The following THNSL2 variants were observed in gnomAD, a reference collection of about 807,000 sequenced individuals.
THNSL2 encodes threonine synthase like 2, also known as threonine synthase-like 2.
A neutral mutation model predicts 40.0 loss-of-function variants in THNSL2; 34 were observed. That is an observed-to-expected ratio of 0.85 (90% CI 0.65 to 1.13). THNSL2 has a LOEUF of 1.13. THNSL2 is among the 50% of genes most tolerant of loss of function. The pLI is 0.00. For synonymous variants in THNSL2, 241 were observed against 247.5 expected, an observed-to-expected ratio of 0.97 and a Z score of 0.25; for missense variants, 537 against 608.8, an observed-to-expected ratio of 0.88 and a Z score of 1.24.
chr2:88,171,855 C>T (rs895154220), intron 1 of THNSL2: 1 of 152,642 alleles, frequency 6.6e-6, no homozygotes, highest in East Asian at 1.9e-4. Flanking sequence ...TCAAAAGATT[C>T]ATGGTTTGTA....
At chr2:88,181,660 G>A (rs1374131916) in intron 5 of THNSL2, among the ~76,000 whole-genome samples, 1 of 151,322 alleles carries the variant, frequency 6.6e-6, no homozygotes. Flanking sequence ...TGATTCAGTG[G>A]TTTTTAGTAT....
At chr2:88,170,677 T>G (rs886627232) in intron 1 of THNSL2, among the ~76,000 whole-genome samples, 1 of 152,056 alleles carries the variant, frequency 6.6e-6, no homozygotes, top group Non-Finnish European at 1.5e-5. Context: ...ATTTGAGCAG[T>G]CCTTTGAGAA....
chr2:88,173,396 TC>T, intron 2 of THNSL2, 23 bp downstream of exon 2: 1 of 1,553,262 alleles, frequency 6.4e-7, no homozygotes, highest in Non-Finnish European at 8.7e-7. Context: ...ACCTGTACTT[TC>T]ACTCTTCCAG....
intron 2 of THNSL2, 22 bp from the exon 3 acceptor site, chr2:88,174,617 A>C: frequency 6.2e-7 from 1 of 1,605,156 alleles, no homozygotes. Flanking sequence ...CTCATTGGCT[A>C]TCCACCCCAC....
chr2:88,183,118 C>T (rs757272697), intron 7 of THNSL2, 45 bp downstream of exon 7: 2 of 1,589,752 alleles, frequency 1.3e-6, no homozygotes, highest in Admixed American at 1.7e-5. Context: ...AGGGTACAGC[C>T]ACATAGCAGA....
In THNSL2 at chr2:88,174,784, C is replaced by T; in HGVS notation, c.369C>T (p.Phe123=). 1.2e-6 allele frequency: 2 copies of T among 1,614,138 alleles called. No individual in the cohort carries two copies. Among genetic ancestry groups the T allele is most frequent in the South Asian group, 1.1e-5 (1 of 91,066 alleles). The part of the protein sequence containing the change: ...KDLSLSCTTQ[F]LQYFLEKREK... ...TGTCCCTGTCCTGCACAACACAGTT[C>T]CTGCAGTACTTCCTGGAGAAGAGGG... The change falls in exon 3 of 9, where the codon TTC becomes TTT. Residue 123 remains phenylalanine (F), a synonymous_variant. Coordinates refer to ENST00000674334, the MANE Select transcript of THNSL2 (RefSeq NM_018271.5).
Position 88,172,891 on chromosome 2 carries a change from G to A in THNSL2, c.-12-248G>A, listed in dbSNP as rs140905816. 2.5e-3 allele frequency: 808 copies of A among 328,896 alleles called. 17 individuals are homozygous for A. The East Asian group carries it at 0.035, about 14-fold the overall frequency. 20.4% of individuals were successfully genotyped at this position (328,896 alleles called of 1,614,324 possible). A position where few individuals can be genotyped will look rare whatever the true frequency, so the allele number is the denominator to read the frequency against. ...GCTTTCTCTTTTCCCGGCATGCTCC[G>A]ATACCCTCTCCCTGAAGACAGGAGG... On this transcript the variant is annotated intron_variant, in intron 1 of 8. Transcript: ENST00000674334.
intron 4 of THNSL2, chr2:88,177,121 A>G (rs1049452949): frequency 1.3e-5 from 2 of 152,234 alleles, no homozygotes; most frequent in African/African-American, 4.8e-5. Flanking sequence ...TGATGAATGC[A>G]ATAAATCATT....
intron 7 of THNSL2, 22 bp downstream of exon 7, chr2:88,183,095 A>G (rs1677877812): frequency 1.2e-6 from 2 of 1,607,460 alleles, no homozygotes; most frequent in Non-Finnish European, 8.5e-7. Flanking sequence ...CCCACACACC[A>G]CAGAGAAAGG....
Position 88,173,313 on chromosome 2 carries a change from G to C in THNSL2, c.163G>C (p.Val55Leu), listed in dbSNP as rs147509382. 6.2e-7 allele frequency: 1 copy of C among 1,612,588 alleles called. No homozygotes were observed. Among genetic ancestry groups the C allele is most frequent in the Non-Finnish European group, 8.5e-7 (1 of 1,179,902 alleles). ...GAGCACACTCTCCTATCCTGGCCTG[G>C]TGAAGGAGCTGTGTGCCCTCTTCAT... ...QWSTLSYPGL[V>L]KELCALFIGS... The change falls in exon 2 of 9, where the codon GTG becomes CTG. Residue 55 changes from valine to leucine, a missense_variant. Coordinates refer to ENST00000674334, the MANE Select transcript of THNSL2 (RefSeq NM_018271.5).
chr2:88,173,386 A>G lies in THNSL2; in HGVS notation c.223+13A>G. The G allele has an allele frequency of 1.9e-6, 3 of 1,573,160 alleles. No homozygotes were observed. The highest frequency in any genetic ancestry group is 2.6e-6 in the Non-Finnish European group (3 of 1,157,122). On this transcript the variant is annotated intron_variant, in intron 2 of 8. Coordinates refer to ENST00000674334, the MANE Select transcript of THNSL2 (RefSeq NM_018271.5). ...GATGAATTAAATGGTGAGTGCTCCC[A>G]CCTGTACTTTCACTCTTCCAGCCCC...
intron 7 of THNSL2, 117 bp downstream of exon 7, chr2:88,183,190 G>A: frequency 7.2e-7 from 1 of 1,395,852 alleles, no homozygotes; most frequent in Non-Finnish European, 9.6e-7. Context: ...CCTGCTATGA[G>A]CCCACCACTT....
At chr2:88,171,591 A>G (rs557962589) in intron 1 of THNSL2, 140 of 228,530 alleles carry the variant, frequency 6.1e-4, no homozygotes, top group Non-Finnish European at 9.4e-4. Flanking sequence ...GGTCTTGGGC[A>G]GTTTGCGTTG....
rs1558897220 is a variant in THNSL2, at chr2:88,182,686, CTCTTG to C, written c.803-8_803-4del. On this transcript the variant is annotated splice_region_variant and splice_polypyrimidine_tract_variant and intron_variant, in intron 5 of 8. Coordinates refer to ENST00000674334, the MANE Select transcript of THNSL2 (RefSeq NM_018271.5). ...TCTAAAAAGCCATTGTTCTCCTCCT[CTCTTG>C]TCTTAAGCTGGGTACATTGCTCAAA... 6.4e-7 allele frequency: 1 copy of C among 1,563,356 alleles called. No individual in the cohort carries two copies. The highest frequency in any genetic ancestry group is 1.2e-5 in the South Asian group (1 of 85,604).
In THNSL2 at chr2:88,173,362, ATGAAT is replaced by A. The variant is rs1185202456; in HGVS notation, c.214_218del (p.Glu72LysfsTer2). ...ATTGGCTCTGAGCTCCTTCCAAAAG[ATGAAT>A]TAAATGGTGAGTGCTCCCACCTGTA... is the stretch of plus-strand genomic sequence containing the variant. On this transcript the variant is annotated frameshift_variant, in exon 2 of 9. Transcript: ENST00000674334. LOFTEE classifies it high-confidence loss of function. The A allele has an allele frequency of 3.8e-5, 61 of 1,603,212 alleles. No homozygotes were observed. Among genetic ancestry groups the A allele is most frequent in the Non-Finnish European group, 5.2e-5 (61 of 1,175,258 alleles).
rs775387115 is a variant in THNSL2 at position 88,178,773 on chromosome 2, C to T, written c.572-10C>T. The T allele has an allele frequency of 5.6e-6, 9 of 1,613,842 alleles. No homozygotes were observed. The highest frequency in any genetic ancestry group is 1.7e-5 in the Admixed American group (1 of 60,006). Reference sequence around the variant, plus strand: ...TCCTGACAGCTGCCCTCTTCTCTCCCCCCTGGCAGTGGAGGGAAACAGCGA... The same window carrying T: ...TCCTGACAGCTGCCCTCTTCTCTCCTCCCTGGCAGTGGAGGGAAACAGCGA... On this transcript the variant is annotated splice_polypyrimidine_tract_variant and intron_variant, in intron 4 of 8. Transcript: ENST00000674334.
intron 4 of THNSL2, among the ~76,000 whole-genome samples, chr2:88,178,000 A>G (rs1004879936): frequency 6.6e-6 from 1 of 152,102 alleles, no homozygotes; most frequent in Non-Finnish European, 1.5e-5. Context: ...AGCACCCTTA[A>G]TGCCTTCTCT....
chr2:88,179,277 G>A (rs1434635459), intron 5 of THNSL2, among the ~76,000 whole-genome samples: 1 of 152,244 alleles, frequency 6.6e-6, no homozygotes, highest in Non-Finnish European at 1.5e-5. Context: ...CGCTGGCTCA[G>A]CAGAGTGTGG....
chr2:88,185,292 C>CA lies in THNSL2; in HGVS notation c.1078-36_1078-35insA, dbSNP rs531142244. 177 of 1,593,182 alleles carry CA rather than the reference C, an allele frequency of 1.1e-4. No individual in the cohort carries two copies. In the African/African-American group the frequency reaches 2.1e-3, roughly 19 times the overall value. On this transcript the variant is annotated intron_variant, in intron 7 of 8. Transcript: ENST00000674334. Reference sequence around the variant, plus strand: ...TTTGTCATCTTTCCCTACATCCCCCCCCCACACCTCATCTTTCTGACCTGG... The same window carrying CA: ...TTTGTCATCTTTCCCTACATCCCCCCACCCACACCTCATCTTTCTGACCTGG...
Sources: gnomAD v4.1 joint callset for allele counts (sites outside exome capture counted in the v4.1 genomes callset) on GRCh38, gnomAD v4.1.1 for gene constraint, MANE v1.5 for transcripts, NCBI Gene and HGNC (gene_info 2026-07-23, HGNC 2026-07-21) for gene names.